TMEM130: variants seen among roughly 807,000 people sequenced by gnomAD.
The protein encoded by TMEM130 is transmembrane protein 130.
A neutral mutation model predicts 42.9 loss-of-function variants in TMEM130; 37 were observed. The observed-to-expected ratio is 0.86, with a 90% CI of 0.66 to 1.13. The LOEUF (loss-of-function observed/expected upper bound fraction) is 1.13. TMEM130 is among the 50% of genes most tolerant of loss of function. The pLI is 0.00. For missense variants in TMEM130, 545 were observed against 562.6 expected, an observed-to-expected ratio of 0.97 and a Z score of 0.32; for synonymous variants, 259 against 237.7, an observed-to-expected ratio of 1.09 and a Z score of -0.82.
intron 6 of TMEM130, among the ~76,000 whole-genome samples, chr7:98,850,273 A>ATATATGTATTTTTTTTTTTTTTTTTT: frequency 2.8e-5 from 1 of 35,452 alleles, no homozygotes; most frequent in East Asian, 7.7e-4. Context: ...ATATATATAT[A>ATATATGTATTTTTTTTTTTTTTTTTT]TTTTTTTTTT....
intron 2 of TMEM130, 130 bp downstream of exon 2, chr7:98,862,965 A>G: frequency 1.0e-6 from 1 of 990,682 alleles, no homozygotes; most frequent in Non-Finnish European, 1.5e-6. Flanking sequence ...GACCCGGGGA[A>G]GGAACCTACG....
rs1554397596 is a variant in TMEM130 at position 98,848,030 on chromosome 7, T to G, written c.*26A>C. On this transcript the variant is annotated 3_prime_UTR_variant, in exon 8 of 8. Coordinates refer to ENST00000339375, the MANE Select transcript of TMEM130 (RefSeq NM_152913.3). ...CTCCAAGTCAGCAGTCAGTTAACAC[T>G]GAGATGGGGTGGGGAGGGGGAGTGC... 2.0e-5 allele frequency: 32 copies of G among 1,599,834 alleles called. No homozygotes were observed. Among genetic ancestry groups the G allele is most frequent in the Non-Finnish European group, 2.5e-5 (29 of 1,171,048 alleles).
chr7:98,850,960 T>C (rs1794486111), intron 6 of TMEM130, among the ~76,000 whole-genome samples: 1 of 152,104 alleles, frequency 6.6e-6, no homozygotes, highest in Non-Finnish European at 1.5e-5. Flanking sequence ...AAAGCTGGCA[T>C]TGGGGCAGGT....
intron 6 of TMEM130, 143 bp downstream of exon 6, chr7:98,851,278 T>C: frequency 1.3e-6 from 1 of 787,674 alleles, no homozygotes; most frequent in Non-Finnish European, 2.1e-6. Flanking sequence ...TCAGTGGGGT[T>C]ATGGATGGTG....
In TMEM130 at chr7:98,869,578, G is replaced by A. The variant is rs1775352171; in HGVS notation, c.85+199C>T. Among the ~76,000 whole-genome samples the A allele has an allele frequency of 6.6e-6, 1 of 152,216 alleles. No homozygotes were observed. Among genetic ancestry groups the A allele is most frequent in the African/African-American group, 2.4e-5 (1 of 41,456 alleles). On this transcript the variant is annotated intron_variant, in intron 1 of 7. Coordinates refer to ENST00000339375, the MANE Select transcript of TMEM130 (RefSeq NM_152913.3). The surrounding 1 kb of genome is among the most constrained non-coding windows in gnomAD (Gnocchi z 4.7). The stretch of plus-strand genomic sequence containing the variant: ...GGGGGTGCGGGGAGCCCCCTCCAGT[G>A]CCCAGGCGACTTTGGGGAACAAGGA...
At position 98,869,967 on chromosome 7, in the gene TMEM130, G is replaced by A; in HGVS notation, c.-106C>T. The A allele has an allele frequency of 1.4e-6, 1 of 725,014 alleles. No individual in the cohort carries two copies. Among genetic ancestry groups the A allele is most frequent in the Non-Finnish European group, 1.9e-6 (1 of 526,898 alleles). 44.9% of individuals were successfully genotyped at this position (725,014 alleles called of 1,614,324 possible). A position where few individuals can be genotyped will look rare whatever the true frequency, so the allele number is the denominator to read the frequency against. On this transcript the variant is annotated 5_prime_UTR_variant, in exon 1 of 8. Transcript: ENST00000339375. The surrounding 1 kb of genome is among the most constrained non-coding windows in gnomAD (Gnocchi z 4.7). ...TCCGGGCGCGCAGCGCGGGCGGTGC[G>A]GGGAGGTGCGGGCGCCGTGCTCGCT...
intron 6 of TMEM130, among the ~76,000 whole-genome samples, chr7:98,850,395 C>T (rs1794472903): frequency 1.3e-5 from 2 of 150,294 alleles, no homozygotes; most frequent in South Asian, 4.3e-4. Context: ...CTCATGCCTC[C>T]ACCTCCTGCG....
chr7:98,863,738 T>C (rs1007138925), intron 1 of TMEM130, among the ~76,000 whole-genome samples: 3 of 149,706 alleles, frequency 2.0e-5, no homozygotes, highest in African/African-American at 2.5e-5. Flanking sequence ...CTTTCCTTCC[T>C]TTCTCTTTTC....
chr7:98,849,292 C>T (rs1424433224), intron 6 of TMEM130, among the ~76,000 whole-genome samples: 1 of 152,200 alleles, frequency 6.6e-6, no homozygotes, highest in African/African-American at 2.4e-5. Flanking sequence ...CATGCTAATG[C>T]TGACCTGCAA....
At chr7:98,861,406 T>C (rs1794768372) in intron 2 of TMEM130, among the ~76,000 whole-genome samples, 2 of 150,952 alleles carry the variant, frequency 1.3e-5, no homozygotes, top group Admixed American at 6.6e-5. Context: ...CTGTCCTATG[T>C]CTACTTCTCT....
At chr7:98,859,775 G>A (rs1332690424) in intron 3 of TMEM130, among the ~76,000 whole-genome samples, 2 of 151,560 alleles carry the variant, frequency 1.3e-5, no homozygotes, top group Non-Finnish European at 2.9e-5. Flanking sequence ...AATTAGCCAG[G>A]CATGGTGGCT....
At chr7:98,865,006 G>C (rs1202972054) in intron 1 of TMEM130, among the ~76,000 whole-genome samples, 2 of 152,250 alleles carry the variant, frequency 1.3e-5, no homozygotes, top group African/African-American at 2.4e-5. Flanking sequence ...ATGTGGAAAT[G>C]AAAGTTTCTT....
At chr7:98,848,385 A>G in intron 7 of TMEM130, 177 bp from the exon 8 acceptor site, 1 of 804,724 alleles carries the variant, frequency 1.2e-6, no homozygotes, top group Non-Finnish European at 2.0e-6. Context: ...TGGATATAGG[A>G]GATAAATCAG....
At chr7:98,850,174 G>A (rs1335353973) in intron 6 of TMEM130, among the ~76,000 whole-genome samples, 2 of 145,878 alleles carry the variant, frequency 1.4e-5, no homozygotes, top group African/African-American at 2.5e-5. Context: ...TCAGCTTCCC[G>A]AGTAGCATAG....
intron 7 of TMEM130, 64 bp from the exon 8 acceptor site, chr7:98,848,272 A>G: frequency 6.2e-7 from 1 of 1,600,244 alleles, no homozygotes; most frequent in Non-Finnish European, 8.5e-7. Flanking sequence ...CCACGGGTCA[A>G]TCACCCACCC....
intron 1 of TMEM130, among the ~76,000 whole-genome samples, chr7:98,867,499 G>A (rs1327533983): frequency 6.6e-6 from 1 of 152,156 alleles, no homozygotes; most frequent in Non-Finnish European, 1.5e-5. Flanking sequence ...GCTGAGAAGC[G>A]TGGGCCTGAG....
Position 98,860,359 on chromosome 7 carries a change from G to T in TMEM130, c.392-21C>A, listed in dbSNP as rs1554399636. The T allele has an allele frequency of 4.5e-6, 7 of 1,570,582 alleles. No homozygotes were observed. The South Asian group carries it at 8.2e-5, about 18-fold the overall frequency. The stretch of plus-strand genomic sequence containing the variant: ...GAACTCTGGGAGAGAGAGAGACACG[G>T]GAGGGTGAGTCTTGGAGATTCAGGG... On this transcript the variant is annotated intron_variant, in intron 2 of 7. Coordinates refer to ENST00000339375, the MANE Select transcript of TMEM130 (RefSeq NM_152913.3).
At position 98,862,966 on chromosome 7, in the gene TMEM130, GGAACCTACGGGCCTAATCCCCCA is replaced by G. The variant is rs72380330; in HGVS notation, c.391+106_391+128del. 0.025 allele frequency: 25,698 copies of G among 1,012,704 alleles called. 3,886 individuals are homozygous for G. The African/African-American group carries it at 0.36, about 14-fold the overall frequency. 62.7% of individuals were successfully genotyped at this position (1,012,704 alleles called of 1,614,324 possible). ...TTTCTAACTCGACTGACCCGGGGAA[GGAACCTACGGGCCTAATCCCCCA>G]GAACCTACGGGCCTAATCTGCATTG... On this transcript the variant is annotated intron_variant, in intron 2 of 7. Coordinates refer to ENST00000339375, the MANE Select transcript of TMEM130 (RefSeq NM_152913.3).
chr7:98,848,698 G>A lies in TMEM130; in HGVS notation c.1007-3C>T, dbSNP rs1391437017. ...AGCAAAGACAGCCGGCTGGATTCCTGGGAATGAAAGAAGTAACATTACAGG... is the reference window on the plus strand; with the variant it reads ...AGCAAAGACAGCCGGCTGGATTCCTAGGAATGAAAGAAGTAACATTACAGG... On this transcript the variant is annotated splice_region_variant and splice_polypyrimidine_tract_variant and intron_variant, in intron 6 of 7. Transcript: ENST00000339375. 25 of 1,599,020 alleles carry A rather than the reference G, an allele frequency of 1.6e-5. 1 individual carries two copies. Among genetic ancestry groups the A allele is most frequent in the Non-Finnish European group, 8.6e-7 (1 of 1,166,434 alleles).
Sources: allele counts gnomAD v4.1 joint callset (sites outside exome capture counted in the v4.1 genomes callset), GRCh38; gene constraint gnomAD v4.1.1; non-coding constraint Gnocchi (gnomAD v3.1); transcripts MANE v1.5; gene names NCBI Gene and HGNC (gene_info 2026-07-23, HGNC 2026-07-21).